ATN1: variants seen among roughly 807,000 people sequenced by gnomAD.
ATN1 encodes atrophin-1.
ATN1 carries 19 observed loss-of-function variants against 85.8 expected under a neutral mutation model. The ratio of observed to expected loss-of-function variants is 0.22; its 90% CI spans 0.15 to 0.32. The LOEUF (loss-of-function observed/expected upper bound fraction) is 0.32, where lower values mean the gene tolerates loss of function less well. ATN1 is among the 10% of genes least tolerant of loss of function. The probability of loss-of-function intolerance (pLI) is 1.00; values close to 1 mark genes in which losing one functional copy is unlikely to be tolerated. For missense variants in ATN1, 1,453 were observed against 1,564.5 expected (o/e 0.93, Z 1.20); for synonymous variants, 674 against 657.0 (o/e 1.03, Z -0.39).
rs781792190 is a variant in ATN1 at position 6,935,975 on chromosome 12, G to C, written c.708G>C (p.Lys236Asn). 3 of 1,589,142 alleles carry C rather than the reference G, an allele frequency of 1.9e-6. No individual in the cohort carries two copies. The highest frequency in any genetic ancestry group is 8.6e-7 in the Non-Finnish European group (1 of 1,167,196). Residue 236 changes from lysine (K) to asparagine (N), a missense_variant, in exon 5 of 10, where the codon AAG becomes AAC. This residue lies in a region of ATN1 where 990 missense variants were observed against 914.8 expected (regional missense o/e 1.08). Coordinates refer to ENST00000396684, the MANE Select transcript of ATN1 (RefSeq NM_001940.4). This position sits in a 1 kb window ranked among gnomAD's most constrained non-coding sequence, Gnocchi z 5.3. ...TGTCTGGACCCCCAATGGGTCCCAA[G>C]GGGGGAGGGGCTGCCTCATCAGTGG... ...GVLSGPPMGP[K>N]GGGAASSVGG...
rs781916976 is a variant in ATN1 at position 6,935,953 on chromosome 12, C to T, written c.686C>T (p.Ser229Phe). 5.0e-6 allele frequency: 8 copies of T among 1,594,448 alleles called. No homozygotes were observed. The South Asian group carries it at 9.0e-5, about 18-fold the overall frequency. Reference protein sequence around the residue: ...LYPGGTGGVLSGPPMGPKGGG... With the variant: ...LYPGGTGGVLFGPPMGPKGGG... ...CCTGGGGGCACTGGTGGAGTTTTGT[C>T]TGGACCCCCAATGGGTCCCAAGGGG... is the stretch of plus-strand genomic sequence containing the variant. The change falls in exon 5 of 10, where the codon TCT becomes TTT. Residue 229 changes from serine (S) to phenylalanine (F), a missense_variant. Around this residue, in one of 6 missense-constraint regions of ATN1, gnomAD observed 990 missense variants for 914.8 expected, o/e 1.08. Transcript: ENST00000396684. This position sits in a 1 kb window ranked among gnomAD's most constrained non-coding sequence, Gnocchi z 5.3.
chr12:6,941,884 C>A lies in ATN1; in HGVS notation c.*104C>A. On this transcript the variant is annotated 3_prime_UTR_variant, in exon 10 of 10. Transcript: ENST00000396684. The surrounding 1 kb of genome is among the most constrained non-coding windows in gnomAD (Gnocchi z 5.9). ...CCTGCCACCCAGAGCCAAGAGGGTG[C>A]TGCTCAGTTGCAGGGCCTCCGCAGC... The A allele has an allele frequency of 1.6e-6, 2 of 1,216,740 alleles. No homozygotes were observed. The highest frequency in any genetic ancestry group is 1.2e-5 in the South Asian group (1 of 80,730). 75.4% of individuals were successfully genotyped at this position (1,216,740 alleles called of 1,614,324 possible).
At position 6,941,820 on chromosome 12, in the gene ATN1, C is replaced by T; in HGVS notation, c.*40C>T. On this transcript the variant is annotated 3_prime_UTR_variant, in exon 10 of 10. Coordinates refer to ENST00000396684, the MANE Select transcript of ATN1 (RefSeq NM_001940.4). This position sits in a 1 kb window ranked among gnomAD's most constrained non-coding sequence, Gnocchi z 5.9. Reference sequence around the variant, plus strand: ...AGAGCACCATGGCTCCTACATTGGACCTTGGAGCACCCCCACCCTCCCCCC... The same window carrying T: ...AGAGCACCATGGCTCCTACATTGGATCTTGGAGCACCCCCACCCTCCCCCC... 2 of 1,606,382 alleles carry T rather than the reference C, an allele frequency of 1.2e-6. No homozygotes were observed. The highest frequency in any genetic ancestry group is 1.7e-6 in the Non-Finnish European group (2 of 1,173,046).
At chr12:6,929,211 T>C (rs1001012705) in intron 1 of ATN1, among the ~76,000 whole-genome samples, 1 of 151,920 alleles carries the variant, frequency 6.6e-6, no homozygotes, top group Non-Finnish European at 1.5e-5. Flanking sequence ...AGGATGGAAA[T>C]GGAGAATTGA....
At position 6,938,542 on chromosome 12, in the gene ATN1, G is replaced by A. The variant is rs1555144223; in HGVS notation, c.2579G>A (p.Arg860His). The A allele has an allele frequency of 6.2e-7, 1 of 1,614,126 alleles. No individual in the cohort carries two copies. The highest frequency in any genetic ancestry group is 8.5e-7 in the Non-Finnish European group (1 of 1,179,934). The change falls in exon 7 of 10, where the codon CGC becomes CAC. Residue 860 changes from arginine to histidine, a missense_variant. Coordinates refer to ENST00000396684, the MANE Select transcript of ATN1 (RefSeq NM_001940.4). ...ECPSLGPVPH[R>H]PPFEPGSAVA... ...CCATCTCTGGGCCCAGTGCCCCATC[G>A]CCCTCCATTTGAACCGGGCAGTGCG... is the stretch of plus-strand genomic sequence containing the variant.
rs782679725 is a variant in ATN1 at position 6,936,495 on chromosome 12, C to T, written c.1228C>T (p.His410Tyr). The T allele has an allele frequency of 4.4e-6, 7 of 1,601,104 alleles. No individual in the cohort carries two copies. In the Admixed American group the frequency reaches 5.0e-5, roughly 12 times the overall value. Residue 410 changes from histidine to tyrosine, a missense_variant, in exon 5 of 10, where the codon CAC (histidine) becomes TAC (tyrosine). His to Tyr is a moderately conservative substitution (Grantham distance 83). Around this residue, in one of 6 missense-constraint regions of ATN1, gnomAD observed 990 missense variants for 914.8 expected, o/e 1.08. Coordinates refer to ENST00000396684, the MANE Select transcript of ATN1 (RefSeq NM_001940.4). ...PASQALPSYP[H>Y]SFPPPTSLSV... Reference sequence around the variant, plus strand: ...TTCCCAGGCATTGCCCAGCTACCCCCACTCTTTCCCTCCCCCAACAAGCCT... The same window carrying T: ...TTCCCAGGCATTGCCCAGCTACCCCTACTCTTTCCCTCCCCCAACAAGCCT...
In ATN1 at chr12:6,938,890, G is replaced by T; in HGVS notation, c.2927G>T (p.Gly976Val). ...TTGGATCCCTTTCCCCGACATGGGGGCCTGGCTCTGCAGCCTGGCCCACCT... is the reference window on the plus strand; with the variant it reads ...TTGGATCCCTTTCCCCGACATGGGGTCCTGGCTCTGCAGCCTGGCCCACCT... The part of the protein sequence containing the change: ...PGLDPFPRHG[G>V]LALQPGPPGL... The change falls in exon 7 of 10, where the codon GGC becomes GTC. Residue 976 changes from glycine (G) to valine (V), a missense_variant. By Grantham distance (109) the Gly-to-Val change is moderately radical. Transcript: ENST00000396684. The T allele has an allele frequency of 6.2e-7, 1 of 1,614,104 alleles. No individual in the cohort carries two copies. The highest frequency in any genetic ancestry group is 1.3e-5 in the African/African-American group (1 of 75,042).
At position 6,933,873 on chromosome 12, in the gene ATN1, G is replaced by C; in HGVS notation, c.-129G>C. 9.0e-7 allele frequency: 1 copy of C among 1,108,712 alleles called. No homozygotes were observed. The highest frequency in any genetic ancestry group is 1.3e-6 in the Non-Finnish European group (1 of 759,850). The allele number at this position is 1,108,712 out of a possible 1,614,324, so 68.7% of individuals were successfully genotyped here. On this transcript the variant is annotated 5_prime_UTR_variant, in exon 2 of 10. Coordinates refer to ENST00000396684, the MANE Select transcript of ATN1 (RefSeq NM_001940.4). ...GAAAACAGATCCTGCAAAAGTTCCA[G>C]GTGCCCACACTGGAAACTTGGAGAT...
rs1555143764 is a variant in ATN1 at position 6,936,731 on chromosome 12, G to GCAGCAA, written c.1469_1470insACAGCA (p.Gln501_Gln502dup). The GCAGCAA allele has an allele frequency of 3.1e-5, 15 of 487,394 alleles. No individual in the cohort carries two copies. The highest frequency in any genetic ancestry group is 4.0e-4 in the African/African-American group (2 of 4,970). 30.2% of individuals were successfully genotyped at this position (487,394 alleles called of 1,614,324 possible). A position where few individuals can be genotyped will look rare whatever the true frequency, so the allele number is the denominator to read the frequency against. ...ACCATCACCACCAGCAACAGCAACA[G>GCAGCAA]CAGCAGCAGCAGCAGCAGCAGCAGC... On this transcript the variant is annotated inframe_insertion, in exon 5 of 10. Transcript: ENST00000396684.
chr12:6,935,881 T>A lies in ATN1; in HGVS notation c.614T>A (p.Met205Lys), dbSNP rs782490677. 6.2e-7 allele frequency: 1 copy of A among 1,613,728 alleles called. No individual in the cohort carries two copies. The highest frequency in any genetic ancestry group is 2.2e-5 in the East Asian group (1 of 44,872). The change falls in exon 5 of 10, where the codon ATG (methionine) becomes AAG (lysine). Residue 205 changes from methionine (M) to lysine (K), a missense_variant. This residue lies in a region of ATN1 where 990 missense variants were observed against 914.8 expected (regional missense o/e 1.08). Transcript: ENST00000396684. The surrounding 1 kb of genome is among the most constrained non-coding windows in gnomAD (Gnocchi z 5.3). ...HAPMEPPTSR[M>K]FQAPPGAPPP... ...CCCATGGAGCCCCCCACATCTCGAA[T>A]GTTCCAGGCTCCTCCTGGGGCCCCT...
rs887724611 is a variant in ATN1, at chr12:6,934,286, A to G, written c.138A>G (p.Lys46=). ...TCAGCACGTCCAGCAGTGATGGCAA[A>G]GCTGAGAAGTCCAGGCAGACAGCCA... ...GGVSTSSSDG[K]AEKSRQTAKK... Residue 46 remains lysine, a synonymous_variant, in exon 3 of 10, where the codon AAA becomes AAG. Coordinates refer to ENST00000396684, the MANE Select transcript of ATN1 (RefSeq NM_001940.4). This position sits in a 1 kb window ranked among gnomAD's most constrained non-coding sequence, Gnocchi z 4.5. The G allele has an allele frequency of 6.4e-7, 1 of 1,572,914 alleles. No homozygotes were observed. Among genetic ancestry groups the G allele is most frequent in the Non-Finnish European group, 8.6e-7 (1 of 1,166,646 alleles).
intron 1 of ATN1, 40 bp from the exon 2 acceptor site, chr12:6,933,800 G>C (rs1555143254): frequency 7.8e-6 from 5 of 640,098 alleles, no homozygotes; most frequent in African/African-American, 3.7e-5. Context: ...TTGTGACTCT[G>C]TTCTCCAAGT....
chr12:6,937,748 G>C lies in ATN1; in HGVS notation c.2295-97G>C. 6.9e-7 allele frequency: 1 copy of C among 1,459,520 alleles called. No homozygotes were observed. Among genetic ancestry groups the C allele is most frequent in the Non-Finnish European group, 9.0e-7 (1 of 1,108,528 alleles). 90.4% of individuals were successfully genotyped at this position (1,459,520 alleles called of 1,614,324 possible). ...GCTCACAGCCTGCAGGGGTGGTTTT[G>C]AGGCGGGGGCTACAAGCACTCGCCG... On this transcript the variant is annotated intron_variant, in intron 5 of 9. Coordinates refer to ENST00000396684, the MANE Select transcript of ATN1 (RefSeq NM_001940.4). The surrounding 1 kb of genome is among the most constrained non-coding windows in gnomAD (Gnocchi z 6.0).
At position 6,941,009 on chromosome 12, in the gene ATN1, G is replaced by A. The variant is rs782023721; in HGVS notation, c.3344G>A (p.Arg1115His). The A allele has an allele frequency of 2.8e-5, 46 of 1,614,080 alleles. No individual in the cohort carries two copies. The highest frequency in any genetic ancestry group is 3.8e-5 in the Non-Finnish European group (45 of 1,180,024). Residue 1115 changes from arginine to histidine, a missense_variant, in exon 8 of 10, where the codon CGT (arginine) becomes CAT (histidine). Arg to His is a conservative substitution (Grantham distance 29, BLOSUM62 0). This residue lies in a region of ATN1 where 118 missense variants were observed against 163.7 expected (regional missense o/e 0.72). Coordinates refer to ENST00000396684, the MANE Select transcript of ATN1 (RefSeq NM_001940.4). The surrounding 1 kb of genome is among the most constrained non-coding windows in gnomAD (Gnocchi z 5.9). ...CCTCTGCACGAGAACGAAGTTCTTC[G>A]TCACCAGCTCTTTGGTAAGGATGGA... is the stretch of plus-strand genomic sequence containing the variant. ...PHPLHENEVL[R>H]HQLFAAPYRD...
In ATN1 at chr12:6,937,717, G is replaced by A; in HGVS notation, c.2295-128G>A. 2 of 1,443,970 alleles carry A rather than the reference G, an allele frequency of 1.4e-6. No homozygotes were observed. Among genetic ancestry groups the A allele is most frequent in the Non-Finnish European group, 1.8e-6 (2 of 1,101,156 alleles). 89.4% of individuals were successfully genotyped at this position (1,443,970 alleles called of 1,614,324 possible). ...CCAGGCCTAGTGGCCAGTGAGGCCC[G>A]CAGCAGCTCACAGCCTGCAGGGGTG... On this transcript the variant is annotated intron_variant, in intron 5 of 9. Transcript: ENST00000396684. This position sits in a 1 kb window ranked among gnomAD's most constrained non-coding sequence, Gnocchi z 6.0.
At position 6,934,064 on chromosome 12, in the gene ATN1, G is replaced by A. The variant is rs782654423; in HGVS notation, c.27+36G>A. 139 of 1,610,560 alleles carry A rather than the reference G, an allele frequency of 8.6e-5. 1 individual carries two copies. The highest frequency in any genetic ancestry group is 1.6e-4 in the Middle Eastern group (1 of 6,074). On this transcript the variant is annotated intron_variant, in intron 2 of 9. Coordinates refer to ENST00000396684, the MANE Select transcript of ATN1 (RefSeq NM_001940.4). The surrounding 1 kb of genome is among the most constrained non-coding windows in gnomAD (Gnocchi z 4.5). ...ATGAGAGACATGAAAGATGAGGGGC[G>A]GGGCAGGCAAGCTAGGAGGAAGGGT... is the stretch of plus-strand genomic sequence containing the variant.
chr12:6,933,649 A>G (rs2138207823), intron 1 of ATN1, among the ~76,000 whole-genome samples, 191 bp from the exon 2 acceptor site: 2 of 152,288 alleles, frequency 1.3e-5, no homozygotes, highest in South Asian at 4.1e-4. Flanking sequence ...TTATACTTCG[A>G]GCAGAATCTG....
Position 6,936,285 on chromosome 12 carries a change from G to C in ATN1, c.1018G>C (p.Gly340Arg), listed in dbSNP as rs1555143630. 1 of 1,613,694 alleles carries C rather than the reference G, an allele frequency of 6.2e-7. No homozygotes were observed. The highest frequency in any genetic ancestry group is 1.1e-5 in the South Asian group (1 of 91,050). The change falls in exon 5 of 10, where the codon GGT becomes CGT. Residue 340 changes from glycine (G) to arginine (R), a missense_variant. By Grantham distance (125) the Gly-to-Arg change is moderately radical. Transcript: ENST00000396684. ...PSPHAMGQGM[G>R]GLPPGPEKGP... ...TCCCCACGCCATGGGACAGGGTATG[G>C]GTGGACTTCCTCCTGGCCCAGAGAA... is the stretch of plus-strand genomic sequence containing the variant.
At position 6,935,715 on chromosome 12, in the gene ATN1, G is replaced by A. The variant is rs1945521536; in HGVS notation, c.448G>A (p.Gly150Ser). Reference sequence around the variant, plus strand: ...GGAGAATGACTCTGACTCATCTTCTGGCCTGTCCCAGGGCCCAGCCCGCCC... The same window carrying A: ...GGAGAATGACTCTGACTCATCTTCTAGCCTGTCCCAGGGCCCAGCCCGCCC... ...SVENDSDSSSGLSQGPARPYH... is the reference protein window; with the variant it reads ...SVENDSDSSSSLSQGPARPYH... The change falls in exon 5 of 10, where the codon GGC becomes AGC. Residue 150 changes from glycine (G) to serine (S), a missense_variant. Gly to Ser is a moderately conservative substitution (Grantham distance 56). Transcript: ENST00000396684. This position sits in a 1 kb window ranked among gnomAD's most constrained non-coding sequence, Gnocchi z 5.3. 3.7e-6 allele frequency: 6 copies of A among 1,613,640 alleles called. No individual in the cohort carries two copies. Among genetic ancestry groups the A allele is most frequent in the Non-Finnish European group, 5.1e-6 (6 of 1,179,874 alleles).
Sources: gnomAD v4.1 joint callset for allele counts (sites outside exome capture counted in the v4.1 genomes callset) on GRCh38, gnomAD v4.1.1 for gene constraint, gnomAD v4.1.1 regional missense constraint, Gnocchi (gnomAD v3.1) non-coding constraint, MANE v1.5 for transcripts, NCBI Gene and HGNC (gene_info 2026-07-23, HGNC 2026-07-21) for gene names.